The following FOXP2 variants were observed in gnomAD, a reference collection of about 807,000 sequenced individuals.
FOXP2 encodes the protein forkhead box P2.
Under a neutral mutation model 115.8 loss-of-function variants are expected in FOXP2, and 12 were observed. The ratio of observed to expected loss-of-function variants is 0.10; its 90% confidence interval spans 0.07 to 0.17. The LOEUF is 0.17. FOXP2 is among the 10% of genes least tolerant of loss of function. The pLI is 1.00. For synonymous variants in FOXP2, 328 were observed against 297.7 expected (o/e 1.10, Z -1.05); for missense variants, 629 against 843.5 (o/e 0.75, Z 3.15).
chr7:114,552,040 C>T (rs936709121), intron 3 of FOXP2, among the ~76,000 whole-genome samples: 1 of 152,202 alleles, frequency 6.6e-6, no homozygotes, highest in African/African-American at 2.4e-5. Context: ...GAACTTCAAC[C>T]TCCCACTGAT....
intron 2 of FOXP2, among the ~76,000 whole-genome samples, chr7:114,457,025 A>G (rs1040294811): frequency 2.6e-5 from 4 of 152,188 alleles, no homozygotes; most frequent in Non-Finnish European, 5.9e-5. Flanking sequence ...AAGGAGTGGG[A>G]GATGTAAGAC....
At chr7:114,335,238 A>G (rs1053674461) in intron 2 of FOXP2, among the ~76,000 whole-genome samples, 1 of 151,614 alleles carries the variant, frequency 6.6e-6, no homozygotes, top group Non-Finnish European at 1.5e-5. Context: ...ATAAACTGGT[A>G]TTAAGAATGG....
At chr7:114,689,674 A>G (rs1025689628) in intron 16 of FOXP2, 108 bp from the exon 17 acceptor site, 30 of 1,077,036 alleles carry the variant, frequency 2.8e-5, no homozygotes, top group Non-Finnish European at 3.9e-5. Context: ...AAGAAAGACA[A>G]TGTTGTGTCT....
chr7:114,518,410 C>T (rs985203137), intron 2 of FOXP2, among the ~76,000 whole-genome samples: 1 of 151,950 alleles, frequency 6.6e-6, no homozygotes, highest in African/African-American at 2.4e-5. Context: ...AGAAACAATG[C>T]TTGACAGTGA....
chr7:114,588,157 A>C (rs1802245653), intron 3 of FOXP2, among the ~76,000 whole-genome samples: 1 of 151,784 alleles, frequency 6.6e-6, no homozygotes, highest in Admixed American at 6.6e-5. Context: ...AAAATACAAA[A>C]AAATTAGCCA....
At chr7:114,133,993 T>G (rs564139247) in intron 1 of FOXP2, among the ~76,000 whole-genome samples, 1 of 152,144 alleles carries the variant, frequency 6.6e-6, no homozygotes, top group Non-Finnish European at 1.5e-5. Context: ...CAAAACAGAC[T>G]AAGACAGCCA....
intron 1 of FOXP2, among the ~76,000 whole-genome samples, chr7:114,113,020 G>T (rs1791311805): frequency 6.6e-6 from 1 of 152,126 alleles, no homozygotes; most frequent in Non-Finnish European, 1.5e-5. Context: ...GATGTTGACT[G>T]ATCCTTCATC....
chr7:114,663,642 T>C (rs986086156), intron 15 of FOXP2, 123 bp downstream of exon 15: 6 of 752,376 alleles, frequency 8.0e-6, no homozygotes, highest in Admixed American at 2.3e-5. Context: ...ATCCAAGTTG[T>C]AGTACCTAGT....
chr7:114,347,198 A>G (rs768952786), intron 2 of FOXP2, among the ~76,000 whole-genome samples: 29 of 151,918 alleles, frequency 1.9e-4, no homozygotes, highest in Non-Finnish European at 3.4e-4. Flanking sequence ...ACCTATAAAC[A>G]GTTTATATAT....
chr7:114,459,161 G>A (rs1280774001), intron 2 of FOXP2, among the ~76,000 whole-genome samples: 1 of 152,126 alleles, frequency 6.6e-6, no homozygotes, highest in Non-Finnish European at 1.5e-5. Context: ...TAAGAGCTAG[G>A]CCCAGAACTG....
intron 1 of FOXP2, among the ~76,000 whole-genome samples, chr7:114,153,505 A>G (rs930954070): frequency 1.3e-5 from 2 of 152,150 alleles, no homozygotes; most frequent in South Asian, 4.1e-4. Flanking sequence ...TTCTTCTGAC[A>G]TGGAGTTACT....
At chr7:114,329,730 G>A (rs1797652392) in intron 2 of FOXP2, among the ~76,000 whole-genome samples, 1 of 151,334 alleles carries the variant, frequency 6.6e-6, no homozygotes, top group African/African-American at 2.4e-5. Context: ...AGGCTGGAGG[G>A]CAGTGGCGCG....
At chr7:114,205,625 A>C (rs1794181285) in intron 1 of FOXP2, among the ~76,000 whole-genome samples, 1 of 152,158 alleles carries the variant, frequency 6.6e-6, no homozygotes, top group African/African-American at 2.4e-5. Flanking sequence ...GGAGATTAGC[A>C]TTCAGTATAT....
At chr7:114,132,047 A>C (rs1791892789) in intron 1 of FOXP2, among the ~76,000 whole-genome samples, 1 of 152,140 alleles carries the variant, frequency 6.6e-6, no homozygotes, top group Non-Finnish European at 1.5e-5. Context: ...TGGAAAAGCA[A>C]AAAAACGCTT....
intron 1 of FOXP2, among the ~76,000 whole-genome samples, chr7:114,256,694 TCTTTA>T (rs1584584684): frequency 1.3e-5 from 2 of 152,348 alleles, no homozygotes; most frequent in East Asian, 3.9e-4. Flanking sequence ...GTGCAGAAAT[TCTTTA>T]CTTTAATTAG....
chr7:114,479,311 T>G (rs1389374958), intron 2 of FOXP2, among the ~76,000 whole-genome samples: 1 of 151,764 alleles, frequency 6.6e-6, no homozygotes, highest in Admixed American at 6.6e-5. Context: ...TGGTAACATA[T>G]TATTTCTGGA....
At position 114,692,691 on chromosome 7, in the gene FOXP2, T is replaced by C. The variant is rs1453473685; in HGVS notation, c.*2765T>C. On this transcript the variant is annotated 3_prime_UTR_variant, in exon 17 of 17. Transcript: ENST00000350908. ...TGTGCATACCTTATAAAGCATAATG[T>C]CTGACAATTTAAATGGCTCATGTAT... 8 of 445,408 alleles carry C rather than the reference T, an allele frequency of 1.8e-5. No individual in the cohort carries two copies. The highest frequency in any genetic ancestry group is 4.9e-5 in the Admixed American group (2 of 41,120). 27.6% of individuals were successfully genotyped at this position (445,408 alleles called of 1,614,324 possible).
intron 1 of FOXP2, among the ~76,000 whole-genome samples, chr7:114,128,793 T>C (rs1479106495): frequency 6.6e-6 from 1 of 152,144 alleles, no homozygotes; most frequent in Non-Finnish European, 1.5e-5. Flanking sequence ...TAAATGCTAA[T>C]TGATTATGAA....
chr7:114,254,225 C>T (rs1225711077), intron 1 of FOXP2, among the ~76,000 whole-genome samples: 1 of 152,186 alleles, frequency 6.6e-6, no homozygotes, highest in Non-Finnish European at 1.5e-5. Flanking sequence ...CTGCCCTTAA[C>T]ATTTTTTCCT....
Sources: gnomAD v4.1 joint callset for allele counts (sites outside exome capture counted in the v4.1 genomes callset) on GRCh38, gnomAD v4.1.1 for gene constraint, MANE v1.5 for transcripts, NCBI Gene and HGNC (gene_info 2026-07-23, HGNC 2026-07-21) for gene names.